The following PHF3 variants were observed in gnomAD, a reference collection of about 807,000 sequenced individuals.
PHF3 encodes the protein PHD finger protein 3.
Under a neutral mutation model 178.4 loss-of-function variants are expected in PHF3, and 41 were observed. That is an observed-to-expected ratio of 0.23 (90% CI 0.18 to 0.30). The LOEUF (loss-of-function observed/expected upper bound fraction) is 0.30, where lower values mean the gene tolerates loss of function less well. Among genes scored for constraint, PHF3 ranks in the 10% least tolerant of loss-of-function variants. PHF3 has a pLI of 1.00. For synonymous variants in PHF3, 842 were observed against 800.5 expected, an observed-to-expected ratio of 1.05 and a Z score of -0.88; for missense variants, 2,346 against 2,398.1, an observed-to-expected ratio of 0.98 and a Z score of 0.45.
At chr6:63,692,927 G>C (rs1327579493) in intron 5 of PHF3, among the ~76,000 whole-genome samples, 1 of 152,158 alleles carries the variant, frequency 6.6e-6, no homozygotes, top group African/African-American at 2.4e-5. Context: ...TTAGATTGAA[G>C]AGCATGAGGA....
chr6:63,711,664 C>G lies in PHF3; in HGVS notation c.4076C>G (p.Ala1359Gly). 1 of 1,613,494 alleles carries G rather than the reference C, an allele frequency of 6.2e-7. No individual in the cohort carries two copies. The highest frequency in any genetic ancestry group is 2.2e-5 in the East Asian group (1 of 44,880). ...QKLKRQHSAC[A>G]STSHIAETPE... ...CTGAAGCGACAGCACAGTGCCTGTG[C>G]TAGTACTAGTCATATAGCTGAGACT... is the stretch of plus-strand genomic sequence containing the variant. Residue 1359 changes from alanine to glycine, a missense_variant, in exon 16 of 16, where the codon GCT becomes GGT. Coordinates refer to ENST00000262043, the MANE Select transcript of PHF3 (RefSeq NM_001370348.2).
At chr6:63,640,806 A>G (rs1275695968) in intron 1 of PHF3, among the ~76,000 whole-genome samples, 1 of 152,234 alleles carries the variant, frequency 6.6e-6, no homozygotes, top group Non-Finnish European at 1.5e-5. Context: ...AAAAATGTAG[A>G]GCAGAATTTC....
intron 2 of PHF3, among the ~76,000 whole-genome samples, chr6:63,654,233 C>G (rs1436625779): frequency 6.6e-6 from 1 of 152,158 alleles, no homozygotes; most frequent in Non-Finnish European, 1.5e-5. Context: ...GCAGTGAAGA[C>G]TGGGTCCTGG....
At position 63,642,244 on chromosome 6, in the gene PHF3, C is replaced by T. The variant is rs116470231; in HGVS notation, c.-25-4283C>T. 2.1e-3 allele frequency among the ~76,000 whole-genome samples: 319 copies of T among 152,314 alleles called. 1 individual carries two copies. Among genetic ancestry groups the T allele is most frequent in the African/African-American group, 7.3e-3 (302 of 41,564 alleles). On this transcript the variant is annotated intron_variant, in intron 1 of 15. Transcript: ENST00000262043. ...CTGTTCCCTTTGCCTAGAATATCCTCTGGACCATTAGGATCCAGCTTACAC... is the reference window on the plus strand; with the variant it reads ...CTGTTCCCTTTGCCTAGAATATCCTTTGGACCATTAGGATCCAGCTTACAC...
intron 2 of PHF3, among the ~76,000 whole-genome samples, chr6:63,673,222 G>T (rs765574887): frequency 1.3e-5 from 2 of 152,078 alleles, no homozygotes; most frequent in Non-Finnish European, 2.9e-5. Context: ...AAGTGTGGAG[G>T]TGCAGACCCA....
intron 2 of PHF3, among the ~76,000 whole-genome samples, chr6:63,664,432 T>G (rs746254647): frequency 1.1e-4 from 17 of 152,194 alleles, no homozygotes; most frequent in Non-Finnish European, 2.4e-4. Context: ...GTATTGGAGA[T>G]ATTTCATTAA....
chr6:63,695,170 G>T (rs1239333093), intron 6 of PHF3, among the ~76,000 whole-genome samples: 1 of 152,114 alleles, frequency 6.6e-6, no homozygotes, highest in Non-Finnish European at 1.5e-5. Context: ...ATTTGAAGGG[G>T]TGCAAAGATT....
At chr6:63,663,341 G>A (rs1340551938) in intron 2 of PHF3, among the ~76,000 whole-genome samples, 1 of 152,046 alleles carries the variant, frequency 6.6e-6, no homozygotes, top group East Asian at 1.9e-4. Flanking sequence ...CACTATCCTA[G>A]AAATAGGATA....
chr6:63,641,586 A>G (rs868148351), intron 1 of PHF3, among the ~76,000 whole-genome samples: 6 of 150,938 alleles, frequency 4.0e-5, no homozygotes, highest in Middle Eastern at 6.8e-3. Context: ...AAATAATAGG[A>G]TAGAATTCAT....
chr6:63,641,527 TA>T (rs1764575107), intron 1 of PHF3, among the ~76,000 whole-genome samples: 1 of 111,774 alleles, frequency 8.9e-6, no homozygotes. Context: ...GTTAGGTGTG[TA>T]TGTGTGTGTG....
At position 63,720,284 on chromosome 6, in the gene PHF3, T is replaced by C. The variant is rs1207179949; in HGVS notation, c.*6576T>C. 2.7e-6 allele frequency: 1 copy of C among 365,334 alleles called. No individual in the cohort carries two copies. The highest frequency in any genetic ancestry group is 2.1e-5 in the African/African-American group (1 of 47,888). The allele number at this position is 365,334 out of a possible 1,614,324, so 22.6% of individuals were successfully genotyped here. A position where few individuals can be genotyped will look rare whatever the true frequency, so the allele number is the denominator to read the frequency against. On this transcript the variant is annotated 3_prime_UTR_variant, in exon 16 of 16. Coordinates refer to ENST00000262043, the MANE Select transcript of PHF3 (RefSeq NM_001370348.2). ...TGATTTTTAAAATTGTGTTTACACGTTGATTTTAAAATGTAAGCATTAGGG... is the reference window on the plus strand; with the variant it reads ...TGATTTTTAAAATTGTGTTTACACGCTGATTTTAAAATGTAAGCATTAGGG...
intron 2 of PHF3, among the ~76,000 whole-genome samples, chr6:63,668,594 G>A (rs1220907384): frequency 1.3e-5 from 2 of 151,914 alleles, no homozygotes; most frequent in Non-Finnish European, 2.9e-5. Context: ...GTCCCACATC[G>A]GCTTCCTAAA....
Position 63,725,972 on chromosome 6 carries a change from G to T in PHF3, c.*12264G>T, listed in dbSNP as rs907804216. Among the ~76,000 whole-genome samples the T allele has an allele frequency of 1.3e-5, 2 of 151,914 alleles. No individual in the cohort carries two copies. The highest frequency in any genetic ancestry group is 2.9e-5 in the Non-Finnish European group (2 of 67,932). ...GAAATGAATGAAAATGGATATCAAGGGTAAAGTAAAACCTAAAAAATTAAA... is the reference window on the plus strand; with the variant it reads ...GAAATGAATGAAAATGGATATCAAGTGTAAAGTAAAACCTAAAAAATTAAA... On this transcript the variant is annotated 3_prime_UTR_variant, in exon 16 of 16. Coordinates refer to ENST00000262043, the MANE Select transcript of PHF3 (RefSeq NM_001370348.2).
chr6:63,691,832 A>G lies in PHF3; in HGVS notation c.2285A>G (p.Lys762Arg). 6.2e-7 allele frequency: 1 copy of G among 1,613,510 alleles called. No homozygotes were observed. Among genetic ancestry groups the G allele is most frequent in the Non-Finnish European group, 8.5e-7 (1 of 1,179,532 alleles). The stretch of plus-strand genomic sequence containing the variant: ...GCACAGCAGATGGGCGAGGAAGACA[A>G]AGAATATGTCTGTGTAAAATGTTGT... ...SQAQQMGEED[K>R]EYVCVKCCAE... The change falls in exon 5 of 16, where the codon AAA (lysine) becomes AGA (arginine). Residue 762 changes from lysine to arginine, a missense_variant. By Grantham distance (26) the Lys-to-Arg change is conservative. Around this residue, in one of 8 missense-constraint regions of PHF3, gnomAD observed 72 missense variants for 110.5 expected, o/e 0.65. Coordinates refer to ENST00000262043, the MANE Select transcript of PHF3 (RefSeq NM_001370348.2).
At chr6:63,683,235 G>A (rs1766516727) in intron 3 of PHF3, among the ~76,000 whole-genome samples, 1 of 151,612 alleles carries the variant, frequency 6.6e-6, no homozygotes, top group African/African-American at 2.4e-5. Context: ...GCAACACCTG[G>A]ACATTTACCT....
At position 63,724,947 on chromosome 6, in the gene PHF3, G is replaced by A. The variant is rs902943740; in HGVS notation, c.*11239G>A. The stretch of plus-strand genomic sequence containing the variant: ...ACATCAGGCACAGTTCTTAGAGAAG[G>A]TACAAAGTACAGGACTGTCAGCTGC... On this transcript the variant is annotated 3_prime_UTR_variant, in exon 16 of 16. Coordinates refer to ENST00000262043, the MANE Select transcript of PHF3 (RefSeq NM_001370348.2). Among the ~76,000 whole-genome samples the A allele has an allele frequency of 2.0e-5, 3 of 151,970 alleles. No individual in the cohort carries two copies. The highest frequency in any genetic ancestry group is 4.4e-5 in the Non-Finnish European group (3 of 67,948).
At position 63,646,622 on chromosome 6, in the gene PHF3, C is replaced by G. The variant is rs767135523; in HGVS notation, c.71C>G (p.Ser24Cys). 1 of 1,613,600 alleles carries G rather than the reference C, an allele frequency of 6.2e-7. No individual in the cohort carries two copies. The highest frequency in any genetic ancestry group is 8.5e-7 in the Non-Finnish European group (1 of 1,179,810). Residue 24 changes from serine to cysteine, a missense_variant, in exon 2 of 16, where the codon TCC becomes TGC. Transcript: ENST00000262043. ...EHLDDALFLG[S>C]NLENEVCEDF... ...TTAGATGATGCCCTATTTCTAGGAT[C>G]CAACCTGGAGAATGAAGTCTGTGAG...
chr6:63,660,587 C>A (rs1452925291), intron 2 of PHF3, among the ~76,000 whole-genome samples: 2 of 152,010 alleles, frequency 1.3e-5, no homozygotes, highest in Non-Finnish European at 2.9e-5. Context: ...AATAATTTTT[C>A]TTCTTATTTT....
At chr6:63,710,691 C>T (rs1767888553) in intron 14 of PHF3, among the ~76,000 whole-genome samples, 1 of 152,080 alleles carries the variant, frequency 6.6e-6, no homozygotes, top group African/African-American at 2.4e-5. Flanking sequence ...TGCCTAGTAA[C>T]TGGATTATTA....
Sources: allele counts gnomAD v4.1 joint callset (sites outside exome capture counted in the v4.1 genomes callset), GRCh38; gene constraint gnomAD v4.1.1; regional missense constraint gnomAD v4.1.1; transcripts MANE v1.5; gene names NCBI Gene and HGNC (gene_info 2026-07-23, HGNC 2026-07-21).